The following WDHD1 variants were observed in gnomAD, a reference collection of about 807,000 sequenced individuals.
WDHD1 encodes the protein WD repeat and HMG-box DNA binding protein 1.
In WDHD1, 111 loss-of-function variants were observed where a neutral mutation model predicts 135.4. That is an observed-to-expected ratio of 0.82 (90% CI 0.70 to 0.96). The LOEUF (loss-of-function observed/expected upper bound fraction) is 0.96. WDHD1 is among the 40% of genes least tolerant of loss of function. The pLI is 0.00. For synonymous variants in WDHD1, 434 were observed against 439.0 expected, an observed-to-expected ratio of 0.99 and a Z score of 0.14; for missense variants, 1,351 against 1,336.3, an observed-to-expected ratio of 1.01 and a Z score of -0.17.
intron 14 of WDHD1, among the ~76,000 whole-genome samples, 173 bp from the exon 15 acceptor site, chr14:54,985,033 A>G (rs1157301492): frequency 6.6e-6 from 1 of 152,224 alleles, no homozygotes; most frequent in Admixed American, 6.5e-5. Flanking sequence ...ACACAGTAAG[A>G]TGTTACATGG....
rs748556760 is a variant in WDHD1 at position 55,010,302 on chromosome 14, GC to G, written c.341+6del. 6 of 1,591,812 alleles carry G rather than the reference GC, an allele frequency of 3.8e-6. No homozygotes were observed. The highest frequency in any genetic ancestry group is 5.1e-6 in the Non-Finnish European group (6 of 1,171,114). ...TTATTTCCTTTTCTGATGTCAAAGAGCCTTACCTAGATCCAGCAGCAATTTT... is the reference window on the plus strand; with the variant it reads ...TTATTTCCTTTTCTGATGTCAAAGAGCTTACCTAGATCCAGCAGCAATTTT... On this transcript the variant is annotated splice_donor_region_variant and intron_variant, in intron 4 of 25. Coordinates refer to ENST00000360586, the MANE Select transcript of WDHD1 (RefSeq NM_007086.4).
chr14:55,013,649 T>C (rs1175627660), intron 2 of WDHD1, 53 bp from the exon 3 acceptor site: 1 of 1,357,324 alleles, frequency 7.4e-7, no homozygotes, highest in Non-Finnish European at 1.1e-6. Context: ...CTCATGCCTA[T>C]AATGCTAGCA....
intron 24 of WDHD1, among the ~76,000 whole-genome samples, chr14:54,950,406 C>A (rs536127352): frequency 6.6e-6 from 1 of 151,986 alleles, no homozygotes; most frequent in Admixed American, 6.6e-5. Context: ...AAGGCCATTA[C>A]ATAATGGTAA....
At chr14:54,987,498 T>C in intron 13 of WDHD1, 111 bp from the exon 14 acceptor site, 1 of 923,242 alleles carries the variant, frequency 1.1e-6, no homozygotes, top group African/African-American at 1.7e-5. Context: ...TTACTTCCTA[T>C]TATACACTAG....
intron 2 of WDHD1, 39 bp from the exon 3 acceptor site, chr14:55,013,635 G>A: frequency 6.8e-7 from 1 of 1,471,030 alleles, no homozygotes. Context: ...ATCGGGCATG[G>A]TGTCTCATGC....
At chr14:54,941,763 CT>C in intron 25 of WDHD1, 73 bp from the exon 26 acceptor site, 3 of 1,297,454 alleles carry the variant, frequency 2.3e-6, no homozygotes, top group Non-Finnish European at 3.2e-6. Context: ...GATTTATTTA[CT>C]TTTCCAGGTA....
At chr14:54,978,059 CAAAT>C (rs1566722730) in intron 16 of WDHD1, among the ~76,000 whole-genome samples, 1 of 151,966 alleles carries the variant, frequency 6.6e-6, no homozygotes, top group Non-Finnish European at 1.5e-5. Context: ...TCATATATTG[CAAAT>C]AAATAATTTC....
intron 7 of WDHD1, among the ~76,000 whole-genome samples, chr14:55,004,650 G>A (rs918867831): frequency 6.6e-6 from 1 of 152,056 alleles, no homozygotes; most frequent in African/African-American, 2.4e-5. Flanking sequence ...ACAGGGTTTC[G>A]CCATGTTTCC....
rs76771649 is a variant in WDHD1, at chr14:54,985,447, A to C, written c.1769-587T>G. On this transcript the variant is annotated intron_variant, in intron 14 of 25. Coordinates refer to ENST00000360586, the MANE Select transcript of WDHD1 (RefSeq NM_007086.4). Reference sequence around the variant, plus strand: ...AATGGAGGGCTCGAAGAACACAAAGAGGCAGTATGGCCAGAACATGGTAAT... The same window carrying C: ...AATGGAGGGCTCGAAGAACACAAAGCGGCAGTATGGCCAGAACATGGTAAT... 1.6e-3 allele frequency among the ~76,000 whole-genome samples: 244 copies of C among 152,310 alleles called. 1 individual carries two copies. Among genetic ancestry groups the C allele is most frequent in the African/African-American group, 5.3e-3 (219 of 41,562 alleles).
chr14:54,952,956 T>C (rs1031550568), intron 24 of WDHD1, among the ~76,000 whole-genome samples: 5 of 152,108 alleles, frequency 3.3e-5, no homozygotes, highest in Non-Finnish European at 5.9e-5. Flanking sequence ...ATTCCTCACA[T>C]CTTATACAAA....
At chr14:55,012,171 T>C (rs2042181538) in intron 3 of WDHD1, among the ~76,000 whole-genome samples, 1 of 152,234 alleles carries the variant, frequency 6.6e-6, no homozygotes, top group South Asian at 2.1e-4. Flanking sequence ...AAGATTTAGC[T>C]TACATTTAAT....
At chr14:55,018,798 G>C (rs2042299107) in intron 2 of WDHD1, among the ~76,000 whole-genome samples, 1 of 152,196 alleles carries the variant, frequency 6.6e-6, no homozygotes, top group South Asian at 2.1e-4. Context: ...GCTCACGCCT[G>C]TAATCCCAGC....
At chr14:54,957,502 A>C in intron 22 of WDHD1, 90 bp downstream of exon 22, 16 of 1,207,330 alleles carry the variant, frequency 1.3e-5, no homozygotes, top group Non-Finnish European at 1.9e-5. Flanking sequence ...CATGCCTCCA[A>C]GTCTGGGGAG....
intron 7 of WDHD1, among the ~76,000 whole-genome samples, chr14:55,004,531 C>T (rs1475500918): frequency 6.6e-6 from 1 of 152,162 alleles, no homozygotes; most frequent in African/African-American, 2.4e-5. Flanking sequence ...TGGCTCACTG[C>T]AACCTCCGCC....
chr14:54,980,638 T>C (rs2041602369), intron 16 of WDHD1, among the ~76,000 whole-genome samples: 1 of 151,848 alleles, frequency 6.6e-6, no homozygotes, highest in African/African-American at 2.4e-5. Context: ...ACCCTGTCTC[T>C]ACTAAAAATA....
chr14:54,982,255 C>T (rs956603837), intron 15 of WDHD1, among the ~76,000 whole-genome samples: 3 of 151,860 alleles, frequency 2.0e-5, no homozygotes, highest in African/African-American at 4.8e-5. Flanking sequence ...GTGATCCACC[C>T]GCCTCAGCCT....
chr14:54,967,852 C>T (rs945638338), intron 16 of WDHD1, among the ~76,000 whole-genome samples: 5 of 152,134 alleles, frequency 3.3e-5, no homozygotes, highest in Admixed American at 6.6e-5. Context: ...AACTCCTGGG[C>T]TAAAGTGTGC....
Position 55,023,551 on chromosome 14 carries a change from C to T in WDHD1, c.77+3160G>A, listed in dbSNP as rs115673688. On this transcript the variant is annotated intron_variant, in intron 2 of 25. Transcript: ENST00000360586. ...TGCTTCTTAGGAGTATGTCCAGCATCACTAGTGGCACTTCATATGATTCCC... is the reference window on the plus strand; with the variant it reads ...TGCTTCTTAGGAGTATGTCCAGCATTACTAGTGGCACTTCATATGATTCCC... Among the ~76,000 whole-genome samples, 251 of 152,340 alleles carry T rather than the reference C, an allele frequency of 1.6e-3. 2 individuals carry two copies. Among genetic ancestry groups the T allele is most frequent in the African/African-American group, 5.9e-3 (244 of 41,576 alleles).
At chr14:55,015,613 G>A (rs1039311203) in intron 2 of WDHD1, among the ~76,000 whole-genome samples, 1 of 152,032 alleles carries the variant, frequency 6.6e-6, no homozygotes, top group African/African-American at 2.4e-5. Context: ...AAACGGAATG[G>A]ATTCAGATGT....
Sources: allele counts gnomAD v4.1 joint callset (sites outside exome capture counted in the v4.1 genomes callset), GRCh38; gene constraint gnomAD v4.1.1; transcripts MANE v1.5; gene names NCBI Gene and HGNC (gene_info 2026-07-23, HGNC 2026-07-21).